The following DLG1 variants were observed in gnomAD, a reference collection of about 807,000 sequenced individuals.
DLG1 encodes the protein discs large MAGUK scaffold protein 1.
In DLG1, 42 loss-of-function variants were observed where a neutral mutation model predicts 123.4. The ratio of observed to expected loss-of-function variants is 0.34; its 90% CI spans 0.27 to 0.44. DLG1 has a LOEUF of 0.44. Ranked by LOEUF, DLG1 falls within the 20% of genes least tolerant of loss-of-function variation. DLG1 has a pLI of 1.00. For synonymous variants in DLG1, 317 were observed against 356.2 expected (o/e 0.89, Z 1.24); for missense variants, 942 against 1,082.6 (o/e 0.87, Z 1.82).
chr3:197,099,551 A>G (rs1231875096), intron 14 of DLG1, among the ~76,000 whole-genome samples: 2 of 152,216 alleles, frequency 1.3e-5, no homozygotes, highest in East Asian at 3.9e-4. Context: ...ACTGCTGGCT[A>G]CAAGTTAGTA....
chr3:197,243,602 CCT>C (rs1018449334), intron 4 of DLG1, among the ~76,000 whole-genome samples: 2 of 152,106 alleles, frequency 1.3e-5, no homozygotes, highest in African/African-American at 4.8e-5. Flanking sequence ...ACAGACTCCA[CCT>C]CTTTTTTTTT....
chr3:197,281,491 C>A (rs947518046), intron 4 of DLG1, among the ~76,000 whole-genome samples: 1 of 152,010 alleles, frequency 6.6e-6, no homozygotes, highest in Admixed American at 6.6e-5. Flanking sequence ...CAGTGACTGA[C>A]TGAAGACATT....
At chr3:197,118,293 G>A (rs979141014) in intron 12 of DLG1, among the ~76,000 whole-genome samples, 1 of 152,124 alleles carries the variant, frequency 6.6e-6, no homozygotes, top group African/African-American at 2.4e-5. Flanking sequence ...CTATTAGAAA[G>A]TAATAAAAAT....
chr3:197,069,905 C>T (rs992662959), intron 18 of DLG1: 1 of 151,806 alleles, frequency 6.6e-6, no homozygotes, highest in Non-Finnish European at 1.5e-5. Flanking sequence ...GGGAAGGCAC[C>T]GATGGTGGCA....
chr3:197,095,196 C>T (rs763822907), intron 14 of DLG1, among the ~76,000 whole-genome samples: 1 of 152,154 alleles, frequency 6.6e-6, no homozygotes, highest in South Asian at 2.1e-4. Flanking sequence ...CTTGATGTCT[C>T]ATCATCCCTG....
intron 5 of DLG1, among the ~76,000 whole-genome samples, chr3:197,171,536 CAG>C (rs1429373318): frequency 6.6e-6 from 1 of 152,048 alleles, no homozygotes; most frequent in Non-Finnish European, 1.5e-5. Context: ...AATAGGAAAA[CAG>C]ATCTAGCAAT....
chr3:197,128,375 A>G (rs1051881505), intron 11 of DLG1, among the ~76,000 whole-genome samples: 2 of 152,234 alleles, frequency 1.3e-5, no homozygotes, highest in African/African-American at 4.8e-5. Context: ...GGTTGCAGCA[A>G]TTCAGTCACA....
chr3:197,257,122 C>T (rs951727277), intron 4 of DLG1, among the ~76,000 whole-genome samples: 13 of 152,060 alleles, frequency 8.5e-5, no homozygotes, highest in Non-Finnish European at 1.3e-4. Flanking sequence ...AATACCTGTA[C>T]TGAGACTTTC....
At chr3:197,063,206 A>G (rs1737058136) in intron 22 of DLG1, among the ~76,000 whole-genome samples, 1 of 149,520 alleles carries the variant, frequency 6.7e-6, no homozygotes, top group Non-Finnish European at 1.5e-5. Flanking sequence ...AAAAAAAAAG[A>G]AATACAGTCA....
rs569558997 is a variant in DLG1 at position 197,205,981 on chromosome 3, G to A, written c.319-11392C>T. 2.0e-4 allele frequency among the ~76,000 whole-genome samples: 30 copies of A among 152,276 alleles called. No individual in the cohort carries two copies. The East Asian group carries it at 5.4e-3, about 27-fold the overall frequency. The stretch of plus-strand genomic sequence containing the variant: ...ATTCCTTCTTCCAAGGAAACTTTGG[G>A]TCCACCCAAATAATTTAGGATAATC... On this transcript the variant is annotated intron_variant, in intron 4 of 24. Coordinates refer to ENST00000667157, the MANE Select transcript of DLG1 (RefSeq NM_001366207.1).
At chr3:197,168,779 A>AG (rs1228962787) in intron 5 of DLG1, among the ~76,000 whole-genome samples, 1 of 152,196 alleles carries the variant, frequency 6.6e-6, no homozygotes, top group Non-Finnish European at 1.5e-5. Flanking sequence ...TTTAAAAAAA[A>AG]TCTTGACCAT....
At chr3:197,251,448 C>A (rs1554048913) in intron 4 of DLG1, among the ~76,000 whole-genome samples, 1 of 151,972 alleles carries the variant, frequency 6.6e-6, no homozygotes. Flanking sequence ...AAAACAGACA[C>A]ACAGAAAAGA....
In DLG1 at chr3:197,062,062, C is replaced by G. The variant is rs1197371966; in HGVS notation, c.2374-2064G>C. On this transcript the variant is annotated intron_variant, in intron 22 of 24. Coordinates refer to ENST00000667157, the MANE Select transcript of DLG1 (RefSeq NM_001366207.1). ...TGATTAGTAGACAGTCCAAAGCGTT[C>G]CCTTCTATCCACTTACTTACTCACA... Among the ~76,000 whole-genome samples, 43 of 152,134 alleles carry G rather than the reference C, an allele frequency of 2.8e-4. 1 individual carries two copies. The highest frequency in any genetic ancestry group is 2.9e-5 in the Non-Finnish European group (2 of 68,028).
At chr3:197,100,195 T>C (rs1225068925) in intron 14 of DLG1, among the ~76,000 whole-genome samples, 1 of 152,226 alleles carries the variant, frequency 6.6e-6, no homozygotes, top group Non-Finnish European at 1.5e-5. Context: ...TAAATGCCAC[T>C]AGTCCACTGC....
At chr3:197,298,664 A>G (rs1300336403), upstream of DLG1, 17 of 148,550 alleles carry the variant, frequency 1.1e-4, no homozygotes, top group East Asian at 6.2e-4. Context: ...TGCACCTCCC[A>G]GGGGGCGGGG....
chr3:197,235,637 C>T (rs113949883), intron 4 of DLG1, among the ~76,000 whole-genome samples: 6 of 152,326 alleles, frequency 3.9e-5, no homozygotes, highest in African/African-American at 1.4e-4. Context: ...AACTGATCAA[C>T]CTTATCTGCA....
At chr3:197,085,094 T>C (rs903566383) in intron 16 of DLG1, among the ~76,000 whole-genome samples, 5 of 151,432 alleles carry the variant, frequency 3.3e-5, no homozygotes, top group African/African-American at 1.2e-4. Context: ...AGCCTAATTG[T>C]ATATATTTAA....
chr3:197,186,166 A>G (rs1245214933), intron 5 of DLG1, among the ~76,000 whole-genome samples: 2 of 152,208 alleles, frequency 1.3e-5, no homozygotes, highest in South Asian at 2.1e-4. Flanking sequence ...AGTAGTCAGT[A>G]TATGCACACA....
At chr3:197,152,505 G>A (rs558517002) in intron 5 of DLG1, among the ~76,000 whole-genome samples, 6 of 148,596 alleles carry the variant, frequency 4.0e-5, no homozygotes, top group South Asian at 2.1e-4. Flanking sequence ...GGCCGGGTGC[G>A]GTGGCTCACG....
Sources: gnomAD v4.1 joint callset for allele counts (sites outside exome capture counted in the v4.1 genomes callset) on GRCh38, gnomAD v4.1.1 for gene constraint, MANE v1.5 for transcripts, NCBI Gene and HGNC (gene_info 2026-07-23, HGNC 2026-07-21) for gene names.